Variants in CNTNAP2 observed in about 807,000 individuals in gnomAD.
The protein encoded by CNTNAP2 is contactin associated protein 2.
A neutral mutation model predicts 155.2 loss-of-function variants in CNTNAP2; 98 were observed. That is an observed-to-expected ratio of 0.63 (90% CI 0.54 to 0.75). The LOEUF is 0.75. Ranked by LOEUF, CNTNAP2 falls within the 30% of genes least tolerant of loss-of-function variation. The pLI, the probability that CNTNAP2 is intolerant of heterozygous loss-of-function variation, is 0.00. For missense variants in CNTNAP2, 1,727 were observed against 1,688.1 expected (o/e 1.02, Z -0.40); for synonymous variants, 651 against 631.2 (o/e 1.03, Z -0.47).
At chr7:146,898,386 T>A (rs1484140036) in intron 3 of CNTNAP2, among the ~76,000 whole-genome samples, 4 of 152,078 alleles carry the variant, frequency 2.6e-5, no homozygotes, top group Non-Finnish European at 5.9e-5. Flanking sequence ...ATATATGTAT[T>A]GATTAGGATT....
intron 1 of CNTNAP2, among the ~76,000 whole-genome samples, chr7:146,367,473 A>G (rs1795172243): frequency 6.6e-6 from 1 of 152,168 alleles, no homozygotes; most frequent in Non-Finnish European, 1.5e-5. Flanking sequence ...TGTAGATGAA[A>G]CAAAGTGTAA....
chr7:147,084,441 AATAC>A lies in CNTNAP2; in HGVS notation c.551-23702_551-23699del, dbSNP rs201877033. Among the ~76,000 whole-genome samples, 673 of 136,900 alleles carry A rather than the reference AATAC, an allele frequency of 4.9e-3. 3 individuals carry two copies. Among genetic ancestry groups the A allele is most frequent in the Middle Eastern group, 0.011 (1 of 92 alleles). The allele number at this position is 136,900 out of a possible 152,430, so 89.8% of individuals were successfully genotyped here. On this transcript the variant is annotated intron_variant, in intron 4 of 23. Coordinates refer to ENST00000361727, the MANE Select transcript of CNTNAP2 (RefSeq NM_014141.6). ...TGCATAATGCTATATATGTATATAT[AATAC>A]ATATATGCATAATGCTATATATGTA...
At chr7:146,632,822 T>A (rs1799531570) in intron 1 of CNTNAP2, among the ~76,000 whole-genome samples, 2 of 151,990 alleles carry the variant, frequency 1.3e-5, no homozygotes, top group Non-Finnish European at 2.9e-5. Flanking sequence ...CATTAGAATT[T>A]ATAAAGATCC....
At chr7:147,386,276 A>G (rs1796624290) in intron 9 of CNTNAP2, among the ~76,000 whole-genome samples, 2 of 152,140 alleles carry the variant, frequency 1.3e-5, no homozygotes. Context: ...GATGATTAAC[A>G]TTTGGATCCT....
intron 15 of CNTNAP2, among the ~76,000 whole-genome samples, chr7:148,102,964 A>G (rs1473422207): frequency 6.6e-6 from 1 of 152,266 alleles, no homozygotes; most frequent in Non-Finnish European, 1.5e-5. Context: ...GACATGAGAC[A>G]TCAATCAACA....
intron 21 of CNTNAP2, among the ~76,000 whole-genome samples, chr7:148,333,158 TG>T (rs1338585308): frequency 6.6e-6 from 1 of 152,160 alleles, no homozygotes; most frequent in Non-Finnish European, 1.5e-5. Flanking sequence ...CTGGAAACGG[TG>T]GCTCACCCCC....
intron 8 of CNTNAP2, among the ~76,000 whole-genome samples, chr7:147,198,367 G>A (rs2173046): frequency 1.3e-4 from 20 of 151,372 alleles, no homozygotes; most frequent in African/African-American, 4.6e-4. Flanking sequence ...GGGTAGCTGA[G>A]ATTACAGGCA....
intron 13 of CNTNAP2, among the ~76,000 whole-genome samples, chr7:147,662,400 G>C (rs943989990): frequency 1.2e-4 from 18 of 152,230 alleles, no homozygotes; most frequent in African/African-American, 4.3e-4. Context: ...CTCTTGGCAA[G>C]AGTTAGAGTA....
At chr7:147,949,460 T>TATATATATATATA (rs60849459) in intron 14 of CNTNAP2, among the ~76,000 whole-genome samples, 25 of 92,128 alleles carry the variant, frequency 2.7e-4, no homozygotes, top group African/African-American at 6.3e-4. Context: ...ATATATATAT[T>TATATATATATATA]TTTTTTTTTT....
chr7:146,489,124 T>C (rs759031304), intron 1 of CNTNAP2, among the ~76,000 whole-genome samples: 17 of 152,208 alleles, frequency 1.1e-4, no homozygotes, highest in Non-Finnish European at 1.6e-4. Flanking sequence ...TTTTAATTAC[T>C]ATCACCCAAC....
chr7:148,297,396 C>A (rs1372310869), intron 21 of CNTNAP2, among the ~76,000 whole-genome samples: 2 of 152,132 alleles, frequency 1.3e-5, no homozygotes, highest in African/African-American at 4.8e-5. Context: ...ATTGATGGAT[C>A]TTCAAATGCA....
intron 12 of CNTNAP2, among the ~76,000 whole-genome samples, chr7:147,616,621 A>T (rs190555085): frequency 2.0e-5 from 3 of 152,018 alleles, no homozygotes; most frequent in Admixed American, 2.0e-4. Flanking sequence ...AAATATTAGG[A>T]TCTCCCTTAC....
At chr7:147,770,983 A>G (rs180885715) in intron 13 of CNTNAP2, among the ~76,000 whole-genome samples, 1 of 152,312 alleles carries the variant, frequency 6.6e-6, no homozygotes, top group Non-Finnish European at 1.5e-5. Flanking sequence ...TGAAAGTGTA[A>G]TTTGGCGTAA....
At chr7:147,265,931 GA>G (rs979185348) in intron 8 of CNTNAP2, among the ~76,000 whole-genome samples, 10 of 152,014 alleles carry the variant, frequency 6.6e-5, no homozygotes, top group Non-Finnish European at 1.5e-4. Context: ...ACTATTGAAA[GA>G]AAAACAAAAC....
chr7:146,138,454 A>G (rs925157779), intron 1 of CNTNAP2, among the ~76,000 whole-genome samples: 1 of 152,160 alleles, frequency 6.6e-6, no homozygotes, highest in Non-Finnish European at 1.5e-5. Flanking sequence ...TTTCAATATT[A>G]CTACTGAATT....
At chr7:146,561,794 T>C (rs2129144460) in intron 1 of CNTNAP2, among the ~76,000 whole-genome samples, 1 of 152,246 alleles carries the variant, frequency 6.6e-6, no homozygotes, top group South Asian at 2.1e-4. Context: ...TTGTTGTCGT[T>C]GTTTATTGTT....
At chr7:148,308,462 G>A (rs1336922006) in intron 21 of CNTNAP2, among the ~76,000 whole-genome samples, 3 of 151,700 alleles carry the variant, frequency 2.0e-5, no homozygotes, top group Admixed American at 1.3e-4. Flanking sequence ...TTTTAAATTG[G>A]CATTTTTTAA....
At chr7:147,780,209 T>C (rs1258421456) in intron 13 of CNTNAP2, among the ~76,000 whole-genome samples, 9 of 152,220 alleles carry the variant, frequency 5.9e-5, no homozygotes, top group Admixed American at 5.9e-4. Flanking sequence ...AAAATGTCAG[T>C]CTGCAAAATT....
chr7:147,812,257 T>C (rs1379501762), intron 13 of CNTNAP2, among the ~76,000 whole-genome samples: 1 of 152,146 alleles, frequency 6.6e-6, no homozygotes, highest in Non-Finnish European at 1.5e-5. Context: ...GGAGTAAACT[T>C]TGTAACTTAG....
Sources: gnomAD v4.1 joint callset for allele counts (sites outside exome capture counted in the v4.1 genomes callset) on GRCh38, gnomAD v4.1.1 for gene constraint, MANE v1.5 for transcripts, NCBI Gene and HGNC (gene_info 2026-07-23, HGNC 2026-07-21) for gene names.